Variants in PIWIL4 observed in about 807,000 individuals in gnomAD.
The protein encoded by PIWIL4 is piwi-like protein 4.
Under a neutral mutation model 100.9 loss-of-function variants are expected in PIWIL4, and 50 were observed. The observed-to-expected ratio is 0.50, with a 90% confidence interval of 0.39 to 0.63. The LOEUF is 0.63. Ranked by LOEUF, PIWIL4 falls within the 20% of genes least tolerant of loss-of-function variation. PIWIL4 has a pLI of 0.00. For missense variants in PIWIL4, 887 were observed against 1,043.3 expected (o/e 0.85, Z 2.06); for synonymous variants, 342 against 367.5 (o/e 0.93, Z 0.79).
At chr11:94,589,359 C>T (rs770409154) in intron 8 of PIWIL4, 127 bp downstream of exon 8, 100 of 715,070 alleles carry the variant, frequency 1.4e-4, no homozygotes, top group Admixed American at 2.6e-4. Flanking sequence ...TCTGACTTGT[C>T]TCTCTCCTTC....
rs767856368 is a variant in PIWIL4, at chr11:94,587,255, C to A, written c.914+8C>A. The A allele has an allele frequency of 1.9e-6, 3 of 1,604,874 alleles. No homozygotes were observed. The South Asian group carries it at 3.3e-5, about 18-fold the overall frequency. Reference sequence around the variant, plus strand: ...GCTCATTGTCCTTACAAGGTACAAGCCTGCGTCTAAATAAACTTTTCTTCA... The same window carrying A: ...GCTCATTGTCCTTACAAGGTACAAGACTGCGTCTAAATAAACTTTTCTTCA... On this transcript the variant is annotated splice_region_variant and intron_variant, in intron 7 of 19. Transcript: ENST00000299001.
At chr11:94,587,025 C>CT (rs762643679) in intron 6 of PIWIL4, 25 bp from the exon 7 acceptor site, 2 of 1,554,170 alleles carry the variant, frequency 1.3e-6, no homozygotes, top group Non-Finnish European at 1.8e-6. Context: ...GACAATATTC[C>CT]TTTTTTTCTT....
chr11:94,571,308 T>A (rs946272146), intron 2 of PIWIL4, among the ~76,000 whole-genome samples: 8 of 152,228 alleles, frequency 5.3e-5, no homozygotes, highest in African/African-American at 1.9e-4. Flanking sequence ...TATTATACTT[T>A]AAGTTCAAGG....
At chr11:94,598,856 C>A (rs1411410067) in intron 11 of PIWIL4, among the ~76,000 whole-genome samples, 1 of 151,684 alleles carries the variant, frequency 6.6e-6, no homozygotes, top group Non-Finnish European at 1.5e-5. Flanking sequence ...TATAGGCGTG[C>A]GCCACCATGC....
At chr11:94,600,379 G>C (rs548593370) in intron 11 of PIWIL4, among the ~76,000 whole-genome samples, 1 of 152,124 alleles carries the variant, frequency 6.6e-6, no homozygotes, top group African/African-American at 2.4e-5. Flanking sequence ...AAAGCTGGGC[G>C]TCCAGGGGAG....
Position 94,621,167 on chromosome 11 carries a change from A to AT in PIWIL4, c.*179dup. 1 of 550,494 alleles carries AT rather than the reference A, an allele frequency of 1.8e-6. No individual in the cohort carries two copies. The highest frequency in any genetic ancestry group is 3.2e-6 in the Non-Finnish European group (1 of 310,516). 34.1% of individuals were successfully genotyped at this position (550,494 alleles called of 1,614,324 possible). On this transcript the variant is annotated 3_prime_UTR_variant, in exon 20 of 20. Transcript: ENST00000299001. ...GAAACAGTTTTAAAAAATGTGTGTT[A>AT]TTTTGTTTTAAAGAGTTGTATGCTT... is the stretch of plus-strand genomic sequence containing the variant.
At chr11:94,601,515 A>T (rs192782493) in intron 11 of PIWIL4, among the ~76,000 whole-genome samples, 80 of 152,354 alleles carry the variant, frequency 5.3e-4, no homozygotes, top group Admixed American at 7.2e-4. Context: ...AGATCTTTGA[A>T]TCAGACACCA....
chr11:94,567,446 T>G lies in PIWIL4; in HGVS notation c.-73T>G, dbSNP rs1236516578. Reference sequence around the variant, plus strand: ...CAGTTTCGCCGTCACACCGTCGCCATCTGTAGCCAAAGCAAAACATATCCT... The same window carrying G: ...CAGTTTCGCCGTCACACCGTCGCCAGCTGTAGCCAAAGCAAAACATATCCT... On this transcript the variant is annotated 5_prime_UTR_variant, in exon 1 of 20. Coordinates refer to ENST00000299001, the MANE Select transcript of PIWIL4 (RefSeq NM_152431.3). 1.5e-6 allele frequency: 2 copies of G among 1,346,462 alleles called. No homozygotes were observed. The highest frequency in any genetic ancestry group is 1.5e-5 in the South Asian group (1 of 65,962). 83.4% of individuals were successfully genotyped at this position (1,346,462 alleles called of 1,614,324 possible). A position where few individuals can be genotyped will look rare whatever the true frequency, so the allele number is the denominator to read the frequency against.
At chr11:94,586,045 AGACAGAG>A (rs1948394176) in intron 6 of PIWIL4, among the ~76,000 whole-genome samples, 1 of 152,166 alleles carries the variant, frequency 6.6e-6, no homozygotes, top group Non-Finnish European at 1.5e-5. Context: ...GTCAAACTAT[AGACAGAG>A]AGGCAACTGG....
intron 15 of PIWIL4, among the ~76,000 whole-genome samples, chr11:94,615,609 TTTG>T (rs910583153): frequency 2.0e-5 from 3 of 152,152 alleles, no homozygotes; most frequent in African/African-American, 7.2e-5. Context: ...TTTTTTTTGT[TTTG>T]TTGTTGTTTT....
At chr11:94,601,306 C>T (rs999351978) in intron 11 of PIWIL4, among the ~76,000 whole-genome samples, 2 of 152,082 alleles carry the variant, frequency 1.3e-5, no homozygotes, top group South Asian at 2.1e-4. Context: ...CCAGTCCCTC[C>T]GTTTGGGGTC....
chr11:94,598,806 C>T (rs1229386643), intron 11 of PIWIL4, among the ~76,000 whole-genome samples: 3 of 149,680 alleles, frequency 2.0e-5, no homozygotes, highest in Non-Finnish European at 4.4e-5. Context: ...CTCCTGGGCT[C>T]AAGCGATCCT....
intron 11 of PIWIL4, among the ~76,000 whole-genome samples, chr11:94,600,008 G>C (rs1028726403): frequency 2.0e-5 from 3 of 152,182 alleles, no homozygotes; most frequent in African/African-American, 7.2e-5. Flanking sequence ...AGTAGCAGGA[G>C]ATTAGCATAC....
chr11:94,568,888 T>G, intron 2 of PIWIL4, 80 bp downstream of exon 2: 1 of 1,204,740 alleles, frequency 8.3e-7, no homozygotes, highest in East Asian at 2.4e-5. Flanking sequence ...CTTACAGCAG[T>G]AGGCCCACCT....
At chr11:94,575,981 A>C (rs1022181251) in intron 3 of PIWIL4, among the ~76,000 whole-genome samples, 4 of 152,230 alleles carry the variant, frequency 2.6e-5, no homozygotes, top group Non-Finnish European at 5.9e-5. Flanking sequence ...CTAAAATAGC[A>C]CGGAGATTTC....
chr11:94,620,248 G>C (rs536903716), intron 19 of PIWIL4, 104 bp downstream of exon 19: 3 of 1,221,646 alleles, frequency 2.5e-6, no homozygotes, highest in South Asian at 1.6e-5. Flanking sequence ...CACAATACCT[G>C]ATATTTCCTA....
rs1334728821 is a variant in PIWIL4 at position 94,583,042 on chromosome 11, ATATGTG to A, written c.514-404_514-399del. ...ACTGTTGTGGTGTGTGTATATATATATATGTGTGTGTGTGTGTGTGTGTGTGTGTGT... is the reference window on the plus strand; with the variant it reads ...ACTGTTGTGGTGTGTGTATATATATATGTGTGTGTGTGTGTGTGTGTGTGT... On this transcript the variant is annotated intron_variant, in intron 4 of 19. Coordinates refer to ENST00000299001, the MANE Select transcript of PIWIL4 (RefSeq NM_152431.3). Among the ~76,000 whole-genome samples, 1,090 of 140,394 alleles carry A rather than the reference ATATGTG, an allele frequency of 7.8e-3. 19 individuals carry two copies. Among genetic ancestry groups the A allele is most frequent in the African/African-American group, 0.023 (900 of 38,300 alleles). 92.1% of individuals were successfully genotyped at this position (140,394 alleles called of 152,430 possible). A position where few individuals can be genotyped will look rare whatever the true frequency, so the allele number is the denominator to read the frequency against.
intron 11 of PIWIL4, among the ~76,000 whole-genome samples, chr11:94,598,783 T>C (rs1296726410): frequency 1.3e-5 from 2 of 149,850 alleles, no homozygotes; most frequent in Non-Finnish European, 1.5e-5. Flanking sequence ...TCACAGCTCA[T>C]TGCAGCCTTA....
intron 10 of PIWIL4, among the ~76,000 whole-genome samples, chr11:94,595,753 A>C (rs184151937): frequency 6.6e-6 from 1 of 152,342 alleles, no homozygotes; most frequent in Non-Finnish European, 1.5e-5. Flanking sequence ...AAGCAAACAA[A>C]GCAACCAGAA....
Sources: gnomAD v4.1 joint callset for allele counts (sites outside exome capture counted in the v4.1 genomes callset) on GRCh38, gnomAD v4.1.1 for gene constraint, MANE v1.5 for transcripts, NCBI Gene and HGNC (gene_info 2026-07-23, HGNC 2026-07-21) for gene names.